Variants in SENP6 observed in about 807,000 individuals in gnomAD.
SENP6 encodes sentrin-specific protease 6.
Under a neutral mutation model 134.5 loss-of-function variants are expected in SENP6, and 41 were observed. The observed-to-expected ratio is 0.30, with a 90% CI of 0.24 to 0.40. SENP6 has a LOEUF of 0.40. Ranked by LOEUF, SENP6 falls within the 10% of genes least tolerant of loss-of-function variation. SENP6 has a pLI of 1.00. For synonymous variants in SENP6, 395 were observed against 429.8 expected (o/e 0.92, Z 1.00); for missense variants, 1,248 against 1,312.5 (o/e 0.95, Z 0.76).
At chr6:75,691,836 C>T (rs929063042) in intron 16 of SENP6, among the ~76,000 whole-genome samples, 6 of 151,876 alleles carry the variant, frequency 4.0e-5, no homozygotes, top group African/African-American at 7.3e-5. Flanking sequence ...CCTCGTGATC[C>T]GCCCGCCTCG....
At chr6:75,611,410 T>C (rs914887784) in intron 1 of SENP6, 1 of 152,298 alleles carries the variant, frequency 6.6e-6, no homozygotes, top group Non-Finnish European at 1.5e-5. Context: ...TCAGTCTCTT[T>C]TGCTTTCACC....
intron 19 of SENP6, among the ~76,000 whole-genome samples, chr6:75,709,128 A>G (rs1775598617): frequency 1.3e-5 from 2 of 152,186 alleles, no homozygotes; most frequent in South Asian, 4.1e-4. Context: ...TTTATGTTCT[A>G]TGACATGCTG....
chr6:75,638,745 T>C (rs1053496420), intron 5 of SENP6, among the ~76,000 whole-genome samples: 2 of 150,208 alleles, frequency 1.3e-5, no homozygotes, highest in African/African-American at 4.9e-5. Flanking sequence ...TTTCCTTTCC[T>C]CTGTACAGGT....
intron 3 of SENP6, among the ~76,000 whole-genome samples, chr6:75,631,661 AT>A (rs2149836551): frequency 6.6e-6 from 1 of 152,356 alleles, no homozygotes; most frequent in Admixed American, 6.5e-5. Context: ...TTATTTATAA[AT>A]TGTCTATGGC....
chr6:75,603,791 C>T (rs1202667076), intron 1 of SENP6, among the ~76,000 whole-genome samples: 1 of 152,052 alleles, frequency 6.6e-6, no homozygotes, highest in Non-Finnish European at 1.5e-5. Flanking sequence ...TTTCTTAATT[C>T]TTCTTACTTG....
rs980175467 is a variant in SENP6, at chr6:75,627,686, C to T, written c.207+3726C>T. Among the ~76,000 whole-genome samples, 97 of 151,106 alleles carry T rather than the reference C, an allele frequency of 6.4e-4. 1 individual carries two copies. Among genetic ancestry groups the T allele is most frequent in the African/African-American group, 2.2e-3 (92 of 41,120 alleles). ...GTACACATATGTAGCTTTCAGATTG[C>T]TTTTTTTTTGAGACAGTCTTGCTCT... On this transcript the variant is annotated intron_variant, in intron 3 of 23. Transcript: ENST00000447266.
chr6:75,708,350 T>G (rs1187964567), intron 19 of SENP6, among the ~76,000 whole-genome samples: 1 of 152,240 alleles, frequency 6.6e-6, no homozygotes, highest in Non-Finnish European at 1.5e-5. Context: ...AACACCTTTT[T>G]ATTAACTTAT....
intron 6 of SENP6, 147 bp from the exon 7 acceptor site, chr6:75,647,584 A>G (rs1770552487): frequency 2.3e-6 from 1 of 437,194 alleles, no homozygotes; most frequent in Non-Finnish European, 4.1e-6. Flanking sequence ...TTATTGGTAT[A>G]GTTTTGTTAT....
At chr6:75,678,501 A>G (rs545913070) in intron 14 of SENP6, 82 bp from the exon 15 acceptor site, 1 of 709,224 alleles carries the variant, frequency 1.4e-6, no homozygotes, top group Non-Finnish European at 2.5e-6. Flanking sequence ...TGCATTGAAA[A>G]GCATTCTTGC....
chr6:75,675,921 G>A lies in SENP6; in HGVS notation c.1488G>A (p.Trp496Ter). Residue 496 changes from tryptophan (W) to a stop codon, truncating the protein, a stop_gained, in exon 13 of 24, where the codon TGG (tryptophan) becomes TGA (stop). Transcript: ENST00000447266. LOFTEE classifies it high-confidence loss of function. Reference sequence around the variant, plus strand: ...CCTCTGATCTAACTAAATGTGAATGGTGTAATGTCCGAAAATTACCTGTAG... The same window carrying A: ...CCTCTGATCTAACTAAATGTGAATGATGTAATGTCCGAAAATTACCTGTAG... ...LNTSDLTKCE[W>*]CNVRKLPVVF... 1 of 1,612,206 alleles carries A rather than the reference G, an allele frequency of 6.2e-7. No individual in the cohort carries two copies. The highest frequency in any genetic ancestry group is 1.3e-5 in the African/African-American group (1 of 74,958).
intron 1 of SENP6, among the ~76,000 whole-genome samples, chr6:75,605,525 A>G (rs906711113): frequency 1.3e-5 from 2 of 152,390 alleles, no homozygotes; most frequent in South Asian, 4.1e-4. Flanking sequence ...TTTACATAGC[A>G]TTGAAGTCAA....
At chr6:75,652,697 AAAAAAAG>A (rs1770983347) in intron 7 of SENP6, among the ~76,000 whole-genome samples, 1 of 147,808 alleles carries the variant, frequency 6.8e-6, no homozygotes, top group Non-Finnish European at 1.5e-5. Flanking sequence ...AAAAAAAAAA[AAAAAAAG>A]AAAAAGAAAA....
Position 75,674,146 on chromosome 6 carries a change from CTTT to C in SENP6, c.1393-1267_1393-1265del, listed in dbSNP as rs770350544. ...TGCTAGAATGTTTCGCAAGCTACTC[CTTT>C]TTTTTTTTTTTTTTTTTTTTTAAAA... On this transcript the variant is annotated intron_variant, in intron 11 of 23. Transcript: ENST00000447266. Among the ~76,000 whole-genome samples the C allele has an allele frequency of 8.0e-3, 1,024 of 128,372 alleles. 36 individuals carry two copies. In the East Asian group the frequency reaches 0.1, roughly 13 times the overall value. The allele number at this position is 128,372 out of a possible 152,430, so 84.2% of individuals were successfully genotyped here.
At chr6:75,604,933 C>G (rs997079944) in intron 1 of SENP6, among the ~76,000 whole-genome samples, 6 of 150,244 alleles carry the variant, frequency 4.0e-5, no homozygotes, top group African/African-American at 1.5e-4. Context: ...ATTAGTCTGG[C>G]GTGGTGGCGC....
intron 7 of SENP6, among the ~76,000 whole-genome samples, chr6:75,655,865 A>G (rs1045506229): frequency 6.6e-6 from 1 of 152,104 alleles, no homozygotes; most frequent in Non-Finnish European, 1.5e-5. Flanking sequence ...CTTACCCAGT[A>G]ATATCTTCCA....
intron 11 of SENP6, among the ~76,000 whole-genome samples, chr6:75,674,928 A>G (rs892647779): frequency 1.3e-5 from 2 of 152,150 alleles, no homozygotes; most frequent in African/African-American, 2.4e-5. Flanking sequence ...TTGTTTTTTA[A>G]TACATTTCAA....
intron 1 of SENP6, among the ~76,000 whole-genome samples, chr6:75,608,123 T>C (rs1172481354): frequency 1.3e-5 from 2 of 152,220 alleles, no homozygotes; most frequent in Admixed American, 6.5e-5. Context: ...TGTGAGTTCA[T>C]GTACTTGAAA....
chr6:75,652,833 T>G (rs975771290), intron 7 of SENP6, among the ~76,000 whole-genome samples: 1 of 152,106 alleles, frequency 6.6e-6, no homozygotes. Context: ...GCCAGTCTGA[T>G]CAAAATGTTT....
chr6:75,635,604 T>C (rs1769451969), intron 5 of SENP6, among the ~76,000 whole-genome samples: 1 of 152,172 alleles, frequency 6.6e-6, no homozygotes. Context: ...CCTCATACTT[T>C]ATGATAAACC....
Sources: gnomAD v4.1 joint callset for allele counts (sites outside exome capture counted in the v4.1 genomes callset) on GRCh38, gnomAD v4.1.1 for gene constraint, MANE v1.5 for transcripts, NCBI Gene and HGNC (gene_info 2026-07-23, HGNC 2026-07-21) for gene names.